The following CARNMT1 variants were observed in gnomAD, a reference collection of about 807,000 sequenced individuals.
CARNMT1 encodes the protein protein-L-histidine N-pros-methyltransferase CARNMT1.
CARNMT1 carries 28 observed loss-of-function variants against 49.6 expected under a neutral mutation model. The ratio of observed to expected loss-of-function variants is 0.56; its 90% CI spans 0.42 to 0.77. The LOEUF is 0.77. Among genes scored for constraint, CARNMT1 ranks in the 30% least tolerant of loss-of-function variants. CARNMT1 has a pLI of 0.00. For missense variants in CARNMT1, 421 were observed against 512.6 expected (o/e 0.82, Z 1.73); for synonymous variants, 178 against 175.0 (o/e 1.02, Z -0.13).
At chr9:74,983,896 T>C (rs1832749949) in intron 7 of CARNMT1, 28 bp from the exon 8 acceptor site, 1 of 1,505,714 alleles carries the variant, frequency 6.6e-7, no homozygotes, top group African/African-American at 1.4e-5. Flanking sequence ...ATCATAATAC[T>C]ATGACAGTCA....
At chr9:75,009,633 A>G (rs1833624875) in intron 3 of CARNMT1, among the ~76,000 whole-genome samples, 2 of 152,208 alleles carry the variant, frequency 1.3e-5, no homozygotes, top group African/African-American at 4.8e-5. Context: ...ATACATGCAA[A>G]TATATTACAA....
chr9:75,021,816 T>C (rs1230436570), intron 1 of CARNMT1, among the ~76,000 whole-genome samples: 1 of 152,026 alleles, frequency 6.6e-6, no homozygotes, highest in African/African-American at 2.4e-5. Context: ...TGCATGCCTG[T>C]AGTCTCACCT....
At chr9:74,989,364 C>G (rs1832949524) in intron 6 of CARNMT1, among the ~76,000 whole-genome samples, 1 of 152,122 alleles carries the variant, frequency 6.6e-6, no homozygotes, top group Non-Finnish European at 1.5e-5. Flanking sequence ...ATCTGCCTGG[C>G]TTGACCTCAG....
intron 3 of CARNMT1, 167 bp downstream of exon 3, chr9:75,016,101 C>A: frequency 4.2e-6 from 2 of 479,260 alleles, no homozygotes; most frequent in Non-Finnish European, 7.3e-6. Context: ...AAAATAACAA[C>A]TGTAATCTCA....
At chr9:75,025,180 G>A (rs1193862675) in intron 1 of CARNMT1, among the ~76,000 whole-genome samples, 3 of 152,150 alleles carry the variant, frequency 2.0e-5, no homozygotes, top group African/African-American at 7.2e-5. Context: ...TGCTTCTTGG[G>A]AGCACCTGCA....
At chr9:75,004,735 C>T (rs1465862558) in intron 3 of CARNMT1, among the ~76,000 whole-genome samples, 1 of 151,994 alleles carries the variant, frequency 6.6e-6, no homozygotes, top group Non-Finnish European at 1.5e-5. Context: ...TTTCCTAATG[C>T]CCAACTATAT....
chr9:75,003,905 T>A (rs528501167), intron 3 of CARNMT1, among the ~76,000 whole-genome samples: 1 of 152,380 alleles, frequency 6.6e-6, no homozygotes, highest in Admixed American at 6.5e-5. Context: ...AGACGGAGTC[T>A]CGCTCTGTCG....
rs938519916 is a variant in CARNMT1 at position 75,020,565 on chromosome 9, CTTCATT to C, written c.231-3123_231-3118del. Among the ~76,000 whole-genome samples the C allele has an allele frequency of 1.6e-4, 25 of 152,010 alleles. 2 individuals carry two copies. Among genetic ancestry groups the C allele is most frequent in the Admixed American group, 1.3e-3 (20 of 15,264 alleles). ...ATAGGCGTGAGCCACCGCACCCAGC[CTTCATT>C]TTCATTTTCAATTTCACTTTCATTT... On this transcript the variant is annotated intron_variant, in intron 1 of 7. Transcript: ENST00000376834.
At chr9:74,989,007 T>C (rs902381383) in intron 6 of CARNMT1, among the ~76,000 whole-genome samples, 1 of 152,218 alleles carries the variant, frequency 6.6e-6, no homozygotes, top group Non-Finnish European at 1.5e-5. Flanking sequence ...ATTTAAAAAC[T>C]TAGTGAATAT....
rs1320536352 is a variant in CARNMT1, at chr9:75,011,425, G to C, written c.590+4843C>G. Among the ~76,000 whole-genome samples, 3 of 152,104 alleles carry C rather than the reference G, an allele frequency of 2.0e-5. No homozygotes were observed. The South Asian group carries it at 6.2e-4, about 32-fold the overall frequency. On this transcript the variant is annotated intron_variant, in intron 3 of 7. Transcript: ENST00000376834. ...CTTGCTCTGTTGCCCAGGCTGGAAT[G>C]CAGTAATCTTATCACTGCAACTTTG... is the stretch of plus-strand genomic sequence containing the variant.
intron 3 of CARNMT1, among the ~76,000 whole-genome samples, chr9:75,008,213 A>T (rs983811749): frequency 6.0e-5 from 9 of 150,254 alleles, no homozygotes; most frequent in Non-Finnish European, 1.2e-4. Context: ...TAATGTTTTA[A>T]GAAAGTTTAT....
intron 3 of CARNMT1, among the ~76,000 whole-genome samples, chr9:75,015,259 G>C (rs947401614): frequency 6.6e-6 from 1 of 152,086 alleles, no homozygotes; most frequent in Non-Finnish European, 1.5e-5. Context: ...TTATCACGAA[G>C]AGAAATCACA....
At chr9:75,004,418 G>A (rs1833446069) in intron 3 of CARNMT1, among the ~76,000 whole-genome samples, 1 of 152,130 alleles carries the variant, frequency 6.6e-6, no homozygotes, top group African/African-American at 2.4e-5. Flanking sequence ...TTTGTCTACT[G>A]GGTTATGAAT....
At chr9:75,025,058 A>G (rs2118881865) in intron 1 of CARNMT1, among the ~76,000 whole-genome samples, 2 of 152,378 alleles carry the variant, frequency 1.3e-5, no homozygotes, top group Middle Eastern at 6.8e-3. Flanking sequence ...TAATTTGATT[A>G]CAAGATGAAT....
chr9:74,988,347 C>A (rs966229025), intron 6 of CARNMT1, among the ~76,000 whole-genome samples: 2 of 152,200 alleles, frequency 1.3e-5, no homozygotes, highest in Non-Finnish European at 2.9e-5. Flanking sequence ...ACCTATAAGT[C>A]TAACATTCAG....
chr9:74,998,439 TG>T (rs1187823367), intron 5 of CARNMT1, among the ~76,000 whole-genome samples, 158 bp downstream of exon 5: 3 of 152,218 alleles, frequency 2.0e-5, no homozygotes, highest in South Asian at 2.1e-4. Context: ...TTCCTATCAC[TG>T]CCTTGTACAC....
intron 1 of CARNMT1, among the ~76,000 whole-genome samples, chr9:75,026,751 T>A (rs1176562129): frequency 6.6e-6 from 1 of 152,196 alleles, no homozygotes; most frequent in African/African-American, 2.4e-5. Flanking sequence ...ACTTTAAGCT[T>A]TCACTAAGCA....
At chr9:75,020,202 C>T in intron 1 of CARNMT1, among the ~76,000 whole-genome samples, 1 of 146,908 alleles carries the variant, frequency 6.8e-6, no homozygotes, top group Admixed American at 6.8e-5. Flanking sequence ...TTTAAATGTT[C>T]TTTGGTATTA....
At chr9:75,016,529 G>T in intron 2 of CARNMT1, 98 bp from the exon 3 acceptor site, 1 of 1,137,012 alleles carries the variant, frequency 8.8e-7, no homozygotes, top group Non-Finnish European at 1.3e-6. Flanking sequence ...AGGTGGTTTA[G>T]TGGATAAATC....
Sources: allele counts gnomAD v4.1 joint callset (sites outside exome capture counted in the v4.1 genomes callset), GRCh38; gene constraint gnomAD v4.1.1; transcripts MANE v1.5; gene names NCBI Gene and HGNC (gene_info 2026-07-23, HGNC 2026-07-21).